The following HDAC4 variants were observed in gnomAD, a reference collection of about 807,000 sequenced individuals.
HDAC4 encodes histone deacetylase 4.
A neutral mutation model predicts 135.1 loss-of-function variants in HDAC4; 16 were observed. The ratio of observed to expected loss-of-function variants is 0.12; its 90% confidence interval spans 0.08 to 0.18. HDAC4 has a LOEUF of 0.18. Among genes scored for constraint, HDAC4 ranks in the 10% least tolerant of loss-of-function variants. The probability of loss-of-function intolerance (pLI) is 1.00; values close to 1 mark genes in which losing one functional copy is unlikely to be tolerated. For missense variants in HDAC4, 1,143 were observed against 1,511.8 expected (o/e 0.76, Z 4.05); for synonymous variants, 685 against 653.4 (o/e 1.05, Z -0.74).
chr2:239,099,571 T>C (rs3791395), intron 16 of HDAC4, among the ~76,000 whole-genome samples: 44,530 of 152,182 alleles, frequency 0.29, 6,727 homozygotes, highest in Non-Finnish European at 0.33. Flanking sequence ...CAGCACACTC[T>C]AGCCTCAGTG....
chr2:239,388,419 C>T (rs573094825), intron 1 of HDAC4, among the ~76,000 whole-genome samples: 20 of 152,344 alleles, frequency 1.3e-4, no homozygotes, highest in Admixed American at 1.1e-3. Context: ...TATCTGGGCC[C>T]GGGCCACGTT....
intron 2 of HDAC4, among the ~76,000 whole-genome samples, chr2:239,301,749 G>A (rs935164367): frequency 6.6e-6 from 1 of 152,128 alleles, no homozygotes; most frequent in African/African-American, 2.4e-5. Flanking sequence ...CTCCCAAAGT[G>A]CTGGGATTAC....
chr2:239,231,325 G>A (rs924813552), intron 3 of HDAC4, among the ~76,000 whole-genome samples: 1 of 152,178 alleles, frequency 6.6e-6, no homozygotes, highest in Non-Finnish European at 1.5e-5. Flanking sequence ...GAAGGGCATC[G>A]CATTTTCTGA....
At chr2:239,312,042 T>C (rs999004013) in intron 2 of HDAC4, among the ~76,000 whole-genome samples, 1 of 152,076 alleles carries the variant, frequency 6.6e-6, no homozygotes, top group Non-Finnish European at 1.5e-5. Context: ...ACCCAAAAAT[T>C]GAAAGCCAAG....
chr2:239,361,842 G>T (rs1235878725), intron 1 of HDAC4, among the ~76,000 whole-genome samples: 1 of 152,132 alleles, frequency 6.6e-6, no homozygotes, highest in Non-Finnish European at 1.5e-5. Context: ...GCATGATCTA[G>T]TTCTTTTTAT....
chr2:239,133,477 T>C (rs962029330), intron 11 of HDAC4, among the ~76,000 whole-genome samples: 9 of 152,192 alleles, frequency 5.9e-5, no homozygotes, highest in Non-Finnish European at 1.3e-4. Flanking sequence ...CCTCATTTAT[T>C]TATTTTTGAG....
intron 4 of HDAC4, among the ~76,000 whole-genome samples, chr2:239,178,251 T>C (rs1295671477): frequency 6.6e-6 from 1 of 152,224 alleles, no homozygotes; most frequent in Non-Finnish European, 1.5e-5. Context: ...ATTGTTCCGT[T>C]ACCAGTTGTC....
intron 12 of HDAC4, among the ~76,000 whole-genome samples, chr2:239,121,186 A>G (rs915878211): frequency 1.3e-5 from 2 of 152,068 alleles, no homozygotes; most frequent in Admixed American, 1.3e-4. Context: ...CGAACTCTTG[A>G]GCCAAAACGA....
At chr2:239,165,738 T>A (rs1458311298) in intron 5 of HDAC4, among the ~76,000 whole-genome samples, 1 of 152,238 alleles carries the variant, frequency 6.6e-6, no homozygotes, top group East Asian at 1.9e-4. Context: ...TCCGTGTGTG[T>A]GTGCATTTAC....
At chr2:239,081,420 G>GC (rs765957161) in intron 21 of HDAC4, among the ~76,000 whole-genome samples, 15 of 152,346 alleles carry the variant, frequency 9.8e-5, no homozygotes, top group Non-Finnish European at 1.6e-4. Flanking sequence ...GCTGCTGTAG[G>GC]CTCTCGCCGA....
chr2:239,117,603 C>T (rs926447475), intron 12 of HDAC4, among the ~76,000 whole-genome samples: 4 of 138,152 alleles, frequency 2.9e-5, no homozygotes, highest in Non-Finnish European at 3.1e-5. Context: ...GGAGAGAGGG[C>T]GGGGGTCTGG....
intron 2 of HDAC4, among the ~76,000 whole-genome samples, chr2:239,310,574 G>C (rs997802852): frequency 2.6e-5 from 4 of 152,236 alleles, no homozygotes; most frequent in African/African-American, 9.6e-5. Flanking sequence ...AAAGAACACA[G>C]CACAGGCACA....
At chr2:239,202,642 C>T (rs2045825861) in intron 3 of HDAC4, among the ~76,000 whole-genome samples, 2 of 152,074 alleles carry the variant, frequency 1.3e-5, no homozygotes, top group South Asian at 4.1e-4. Context: ...ACAGGATGCA[C>T]CCTCCACGCG....
intron 4 of HDAC4, among the ~76,000 whole-genome samples, chr2:239,188,160 C>T (rs2044676894): frequency 6.6e-6 from 1 of 152,216 alleles, no homozygotes; most frequent in South Asian, 2.1e-4. Context: ...GAAGCACAGG[C>T]ACTCACAGAA....
At chr2:239,389,994 C>G (rs1276508669) in intron 1 of HDAC4, among the ~76,000 whole-genome samples, 1 of 152,172 alleles carries the variant, frequency 6.6e-6, no homozygotes, top group African/African-American at 2.4e-5. Context: ...TGTGAACCAG[C>G]CAGTGTATAT....
intron 6 of HDAC4, among the ~76,000 whole-genome samples, chr2:239,161,168 C>T (rs1048202566): frequency 5.9e-5 from 9 of 152,280 alleles, no homozygotes; most frequent in South Asian, 4.1e-4. Context: ...GTTATAGGAA[C>T]GAGCTCTACA....
chr2:239,144,852 C>G, intron 7 of HDAC4, 138 bp from the exon 8 acceptor site: 1 of 837,854 alleles, frequency 1.2e-6, no homozygotes, highest in Non-Finnish European at 2.0e-6. Flanking sequence ...GGGGAGAGCG[C>G]AGGGAGCTCA....
At chr2:239,054,671 A>T in intron 25 of HDAC4, 78 bp downstream of exon 25, 1 of 909,750 alleles carries the variant, frequency 1.1e-6, no homozygotes, top group East Asian at 2.4e-5. Flanking sequence ...CTGGGGGTAT[A>T]GGGGGACAGG....
chr2:239,160,218 T>C (rs1401553994), intron 6 of HDAC4, among the ~76,000 whole-genome samples: 1 of 152,216 alleles, frequency 6.6e-6, no homozygotes, highest in Non-Finnish European at 1.5e-5. Context: ...TAAACCATTA[T>C]AAAAACCATC....
Sources: gnomAD v4.1 joint callset for allele counts (sites outside exome capture counted in the v4.1 genomes callset) on GRCh38, gnomAD v4.1.1 for gene constraint, MANE v1.5 for transcripts, NCBI Gene and HGNC (gene_info 2026-07-23, HGNC 2026-07-21) for gene names.